SORCS3: variants seen among roughly 807,000 people sequenced by gnomAD.
SORCS3 encodes the protein VPS10 domain-containing receptor SorCS3.
Under a neutral mutation model 146.3 loss-of-function variants are expected in SORCS3, and 57 were observed. The ratio of observed to expected loss-of-function variants is 0.39; its 90% CI spans 0.31 to 0.49. The LOEUF is 0.49. Ranked by LOEUF, SORCS3 falls within the 20% of genes least tolerant of loss-of-function variation. The pLI, the probability that SORCS3 is intolerant of heterozygous loss-of-function variation, is 0.92. For missense variants in SORCS3, 1,341 were observed against 1,575.5 expected (o/e 0.85, Z 2.52); for synonymous variants, 653 against 618.5 (o/e 1.06, Z -0.83).
chr10:105,167,216 A>G (rs778046483), intron 12 of SORCS3, 42 bp from the exon 13 acceptor site: 1 of 1,461,940 alleles, frequency 6.8e-7, no homozygotes, highest in Non-Finnish European at 9.6e-7. Context: ...ATGCAAATGT[A>G]AGGTGTTGCT....
chr10:104,984,800 C>A (rs983745002), intron 4 of SORCS3, among the ~76,000 whole-genome samples: 1 of 151,988 alleles, frequency 6.6e-6, no homozygotes, highest in African/African-American at 2.4e-5. Flanking sequence ...TTTCCCCATG[C>A]GTATAAAAGT....
chr10:104,998,148 A>G (rs184481083), intron 4 of SORCS3, among the ~76,000 whole-genome samples: 2 of 152,286 alleles, frequency 1.3e-5, no homozygotes, highest in East Asian at 1.9e-4. Context: ...GAAATCTCAT[A>G]GTTTATTCCC....
Position 104,915,845 on chromosome 10 carries a change from T to C in SORCS3, c.708T>C (p.Tyr236=). The C allele has an allele frequency of 3.1e-6, 5 of 1,614,076 alleles. No individual in the cohort carries two copies. The highest frequency in any genetic ancestry group is 4.2e-6 in the Non-Finnish European group (5 of 1,179,966). ...TESSLWRSTD[Y]GTTYEKLNDK... ...CTTTTACCTGCAGGTCGACAGATTA[T>C]GGCACCACCTATGAAAAGCTGAATG... Residue 236 remains tyrosine, a synonymous_variant, in exon 3 of 27, where the codon TAT becomes TAC. Transcript: ENST00000369701.
intron 4 of SORCS3, among the ~76,000 whole-genome samples, chr10:105,034,950 AG>A (rs2055296110): frequency 6.6e-6 from 1 of 152,222 alleles, no homozygotes; most frequent in Non-Finnish European, 1.5e-5. Flanking sequence ...GAATGACCCT[AG>A]TCCCCTCTTG....
chr10:105,057,594 G>A (rs2133715401), intron 5 of SORCS3, among the ~76,000 whole-genome samples: 1 of 152,232 alleles, frequency 6.6e-6, no homozygotes, highest in Non-Finnish European at 1.5e-5. Flanking sequence ...ACACTCACAT[G>A]GACATGATTT....
rs1178855471 is a variant in SORCS3, at chr10:104,980,357, C to T, written c.954+2864C>T. 2.6e-5 allele frequency among the ~76,000 whole-genome samples: 4 copies of T among 152,218 alleles called. No homozygotes were observed. The East Asian group carries it at 7.7e-4, about 29-fold the overall frequency. On this transcript the variant is annotated intron_variant, in intron 4 of 26. Coordinates refer to ENST00000369701, the MANE Select transcript of SORCS3 (RefSeq NM_014978.3). Reference sequence around the variant, plus strand: ...AAAGCAGATGATGCCCCTGGCAACACTTGCAGAGATGGCATAAAACACCTA... The same window carrying T: ...AAAGCAGATGATGCCCCTGGCAACATTTGCAGAGATGGCATAAAACACCTA...
intron 7 of SORCS3, among the ~76,000 whole-genome samples, chr10:105,129,313 TTTTC>T (rs1254073649): frequency 5.8e-5 from 8 of 137,772 alleles, no homozygotes; most frequent in Non-Finnish European, 8.0e-5. Context: ...TTTCTTTCTC[TTTTC>T]TTTCTTTCTT....
chr10:104,745,069 CA>C (rs1459821705), intron 1 of SORCS3, among the ~76,000 whole-genome samples: 1 of 152,168 alleles, frequency 6.6e-6, no homozygotes, highest in African/African-American at 2.4e-5. Context: ...AAAAGTTAAA[CA>C]TAACAATTAG....
chr10:104,650,060 C>A (rs2015539877), intron 1 of SORCS3, among the ~76,000 whole-genome samples: 1 of 152,184 alleles, frequency 6.6e-6, no homozygotes, highest in Non-Finnish European at 1.5e-5. Context: ...TTTTTCCTTT[C>A]CTCTTCTGTA....
intron 5 of SORCS3, among the ~76,000 whole-genome samples, chr10:105,050,143 G>GTC (rs2055401079): frequency 1.3e-5 from 2 of 152,074 alleles, no homozygotes; most frequent in South Asian, 4.2e-4. Flanking sequence ...ACATATGGCA[G>GTC]TATCAGTCTA....
Position 105,120,208 on chromosome 10 carries a change from C to T in SORCS3, c.1212+14693C>T, listed in dbSNP as rs187272518. Among the ~76,000 whole-genome samples the T allele has an allele frequency of 1.5e-3, 226 of 152,186 alleles. 1 individual carries two copies. Among genetic ancestry groups the T allele is most frequent in the African/African-American group, 5.1e-3 (210 of 41,516 alleles). Reference sequence around the variant, plus strand: ...TTTACTTAGCACTTCTCCTTCCAGCCGCCCTGTGAAGAAGGTGCTGTTCCT... The same window carrying T: ...TTTACTTAGCACTTCTCCTTCCAGCTGCCCTGTGAAGAAGGTGCTGTTCCT... On this transcript the variant is annotated intron_variant, in intron 7 of 26. Transcript: ENST00000369701.
rs1345160802 is a variant in SORCS3, at chr10:105,252,906, A to G, written c.3237A>G (p.Gln1079=). ...RRKGNEGDLE[Q]IVETLFNALN... ...AAGGCAATGAAGGGGACCTGGAACA[A>G]GTAAGTGAAAGTAAATCTGGCTGGG... is the stretch of plus-strand genomic sequence containing the variant. Residue 1079 remains glutamine (Q), a splice_region_variant and synonymous_variant, in exon 23 of 27, where the codon CAA becomes CAG. Transcript: ENST00000369701. The G allele has an allele frequency of 1.2e-6, 2 of 1,613,612 alleles. No homozygotes were observed.
chr10:105,262,730 C>A (rs533762970), intron 26 of SORCS3, among the ~76,000 whole-genome samples: 1 of 152,110 alleles, frequency 6.6e-6, no homozygotes, highest in Non-Finnish European at 1.5e-5. Context: ...GGGATGAAGC[C>A]AACTATCCAT....
chr10:105,197,302 A>G (rs1187152042), intron 14 of SORCS3, among the ~76,000 whole-genome samples: 2 of 151,824 alleles, frequency 1.3e-5, no homozygotes, highest in Non-Finnish European at 2.9e-5. Context: ...GGAACTATGA[A>G]CCCCTTTGAA....
intron 3 of SORCS3, among the ~76,000 whole-genome samples, chr10:104,973,892 T>G (rs917770873): frequency 2.6e-5 from 4 of 151,718 alleles, no homozygotes; most frequent in Admixed American, 6.6e-5. Flanking sequence ...TCTGGTATGT[T>G]GTGTCTTTGT....
At chr10:105,124,524 A>G (rs574961160) in intron 7 of SORCS3, among the ~76,000 whole-genome samples, 1 of 152,240 alleles carries the variant, frequency 6.6e-6, no homozygotes, top group East Asian at 1.9e-4. Context: ...TCTTCCTTCT[A>G]CTATTTCATC....
At chr10:104,954,962 AT>A (rs1438911690) in intron 3 of SORCS3, among the ~76,000 whole-genome samples, 1 of 152,184 alleles carries the variant, frequency 6.6e-6, no homozygotes, top group Non-Finnish European at 1.5e-5. Context: ...ATTTATATAG[AT>A]TTTTTGAAGT....
chr10:104,850,037 T>C (rs1227687241), intron 2 of SORCS3, among the ~76,000 whole-genome samples: 1 of 152,254 alleles, frequency 6.6e-6, no homozygotes, highest in Non-Finnish European at 1.5e-5. Context: ...TGATTTTCAA[T>C]TTCTTCAACA....
intron 4 of SORCS3, among the ~76,000 whole-genome samples, chr10:104,994,413 G>T (rs972498666): frequency 3.5e-4 from 53 of 152,152 alleles, no homozygotes; most frequent in African/African-American, 1.2e-3. Context: ...CACTCTGTGA[G>T]TTGCCTTCAG....
Sources: gnomAD v4.1 joint callset for allele counts (sites outside exome capture counted in the v4.1 genomes callset) on GRCh38, gnomAD v4.1.1 for gene constraint, MANE v1.5 for transcripts, NCBI Gene and HGNC (gene_info 2026-07-23, HGNC 2026-07-21) for gene names.